PREX1: variants seen among roughly 807,000 people sequenced by gnomAD.
The protein encoded by PREX1 is phosphatidylinositol-3,4,5-trisphosphate dependent Rac exchange factor 1.
PREX1 carries 41 observed loss-of-function variants against 198.3 expected under a neutral mutation model. The observed-to-expected ratio is 0.21, with a 90% CI of 0.16 to 0.27. The LOEUF is 0.27. Among genes scored for constraint, PREX1 ranks in the 10% least tolerant of loss-of-function variants. The pLI is 1.00. For missense variants in PREX1, 1,620 were observed against 2,200.7 expected (o/e 0.74, Z 5.28); for synonymous variants, 843 against 887.2 (o/e 0.95, Z 0.89).
intron 1 of PREX1, among the ~76,000 whole-genome samples, chr20:48,818,142 C>T (rs1349418736): frequency 6.6e-6 from 1 of 152,096 alleles, no homozygotes; most frequent in Non-Finnish European, 1.5e-5. Flanking sequence ...GGTGCAAGGG[C>T]CCTGAGGCAG....
At chr20:48,735,782 A>G (rs1303910311) in intron 3 of PREX1, among the ~76,000 whole-genome samples, 1 of 152,176 alleles carries the variant, frequency 6.6e-6, no homozygotes, top group Non-Finnish European at 1.5e-5. Flanking sequence ...TCTCGCCGCT[A>G]GTGCAGTGGC....
In PREX1 at chr20:48,658,211, C is replaced by A; in HGVS notation, c.1899G>T (p.Glu633Asp). The A allele has an allele frequency of 1.9e-6, 3 of 1,614,190 alleles. No homozygotes were observed. Among genetic ancestry groups the A allele is most frequent in the Non-Finnish European group, 2.5e-6 (3 of 1,180,014 alleles). Residue 633 changes from glutamate (E) to aspartate (D), a missense_variant, in exon 17 of 40, where the codon GAG (glutamate) becomes GAT (aspartate). By Grantham distance (45) the Glu-to-Asp change is conservative. Coordinates refer to ENST00000371941, the MANE Select transcript of PREX1 (RefSeq NM_020820.4). ...AKRLLILPQE[E>D]DYGFDIEEKN... ...TCTCCTCGATGTCAAAGCCATAGTC[C>A]TCCTCCTGGGGCAGGATCTGGGGGC...
intron 7 of PREX1, among the ~76,000 whole-genome samples, chr20:48,693,906 C>T (rs1293499161): frequency 1.4e-5 from 2 of 146,000 alleles, no homozygotes; most frequent in Non-Finnish European, 3.0e-5. Context: ...CCGTGCCGGC[C>T]TTATTTTATT....
At chr20:48,735,950 G>C (rs1459679334) in intron 3 of PREX1, among the ~76,000 whole-genome samples, 1 of 152,088 alleles carries the variant, frequency 6.6e-6, no homozygotes, top group Non-Finnish European at 1.5e-5. Flanking sequence ...CCAGAATACT[G>C]AAGGGCACAG....
chr20:48,836,813 G>T, the PREX1 span, among the ~76,000 whole-genome samples: 1 of 149,580 alleles, frequency 6.7e-6, no homozygotes, highest in East Asian at 2.0e-4. Flanking sequence ...TACTCTGGAG[G>T]CTAAGGCAGG....
At position 48,643,759 on chromosome 20, in the gene PREX1, C is replaced by T. The variant is rs2089431183; in HGVS notation, c.3601+650G>A. Among the ~76,000 whole-genome samples, 3 of 152,210 alleles carry T rather than the reference C, an allele frequency of 2.0e-5. No homozygotes were observed. The South Asian group carries it at 6.2e-4, about 32-fold the overall frequency. ...CATGATCTGAGTCCACTGCAACCTCCCCCTCCCAAGTTCAAGTGATTCTCC... is the reference window on the plus strand; with the variant it reads ...CATGATCTGAGTCCACTGCAACCTCTCCCTCCCAAGTTCAAGTGATTCTCC... On this transcript the variant is annotated intron_variant, in intron 27 of 39. Transcript: ENST00000371941.
chr20:48,828,515 G>A (rs1038867848), upstream of PREX1, among the ~76,000 whole-genome samples: 2 of 152,214 alleles, frequency 1.3e-5, no homozygotes, highest in African/African-American at 4.8e-5. Context: ...CGGGAAGTCA[G>A]GGGCGACCGC....
In PREX1 at chr20:48,774,745, C is replaced by T. The variant is rs146015915; in HGVS notation, c.220-26865G>A. On this transcript the variant is annotated intron_variant, in intron 1 of 39. Coordinates refer to ENST00000371941, the MANE Select transcript of PREX1 (RefSeq NM_020820.4). The stretch of plus-strand genomic sequence containing the variant: ...AGGGCAGGGAGTGGCTGGACCCGCA[C>T]GGCTGAAACCACTGGCTGAGGCCAC... Among the ~76,000 whole-genome samples the T allele has an allele frequency of 2.4e-3, 364 of 152,332 alleles. 3 individuals are homozygous for T. In the East Asian group the frequency reaches 0.046, roughly 19 times the overall value.
intron 26 of PREX1, among the ~76,000 whole-genome samples, chr20:48,645,423 T>C (rs1366536256): frequency 6.6e-6 from 1 of 152,212 alleles, no homozygotes; most frequent in East Asian, 1.9e-4. Flanking sequence ...AATTAACCAG[T>C]AGAAAATTTA....
At chr20:48,762,114 G>A (rs766473248) in intron 1 of PREX1, among the ~76,000 whole-genome samples, 6 of 152,086 alleles carry the variant, frequency 3.9e-5, no homozygotes, top group African/African-American at 1.4e-4. Context: ...CCTCACCCAG[G>A]GCAGACATCA....
Position 48,639,754 on chromosome 20 carries a change from C to G in PREX1, c.3904+12G>C. The G allele has an allele frequency of 1.2e-6, 2 of 1,613,450 alleles. No individual in the cohort carries two copies. The highest frequency in any genetic ancestry group is 2.2e-5 in the South Asian group (2 of 91,024). ...CCCTCCCCACCATGATGCACCCTCC[C>G]TGCCCACCGACCTTCCACATATCTC... On this transcript the variant is annotated intron_variant, in intron 30 of 39. Transcript: ENST00000371941.
chr20:48,878,978 C>G, the PREX1 span, among the ~76,000 whole-genome samples: 1 of 152,210 alleles, frequency 6.6e-6, no homozygotes, highest in African/African-American at 2.4e-5. Flanking sequence ...AAAATCAGTG[C>G]CAGGGAAAGC....
At position 48,624,906 on chromosome 20, in the gene PREX1, GCGAGTTCTAACACCGGCCAACCGC is replaced by G. The variant is rs2089258393; in HGVS notation, c.*955_*978del. 1 of 152,322 alleles carries G rather than the reference GCGAGTTCTAACACCGGCCAACCGC, an allele frequency of 6.6e-6. No individual in the cohort carries two copies. Among genetic ancestry groups the G allele is most frequent in the African/African-American group, 2.4e-5 (1 of 41,460 alleles). 9.4% of individuals were successfully genotyped at this position (152,322 alleles called of 1,614,324 possible). On this transcript the variant is annotated 3_prime_UTR_variant, in exon 40 of 40. Coordinates refer to ENST00000371941, the MANE Select transcript of PREX1 (RefSeq NM_020820.4). ...CCTTGTAGCCAGTCACTCAAAGAGAGCGAGTTCTAACACCGGCCAACCGCTGGAGAATGGAGGGTGGGGGAAGGA... is the reference window on the plus strand; with the variant it reads ...CCTTGTAGCCAGTCACTCAAAGAGAGTGGAGAATGGAGGGTGGGGGAAGGA...
At chr20:48,784,612 G>C (rs938053895) in intron 1 of PREX1, among the ~76,000 whole-genome samples, 5 of 152,174 alleles carry the variant, frequency 3.3e-5, no homozygotes, top group South Asian at 4.1e-4. Flanking sequence ...GGACCGAAAG[G>C]CCTCCCCCTC....
the PREX1 span, among the ~76,000 whole-genome samples, chr20:48,865,950 CTT>C: frequency 0.014 from 1,941 of 140,136 alleles, 39 homozygotes; most frequent in African/African-American, 0.047. Context: ...AAGTGTTAAA[CTT>C]TTTTTTTTTT....
the PREX1 span, among the ~76,000 whole-genome samples, chr20:48,844,258 A>G: frequency 1.3e-5 from 2 of 152,132 alleles, no homozygotes; most frequent in South Asian, 2.1e-4. Flanking sequence ...TATTTGGGAT[A>G]CCCTGTACCC....
chr20:48,810,856 C>A (rs2090430778), intron 1 of PREX1, among the ~76,000 whole-genome samples: 1 of 152,002 alleles, frequency 6.6e-6, no homozygotes, highest in Non-Finnish European at 1.5e-5. Flanking sequence ...CACTGCACTC[C>A]AGCCTGGGCG....
rs765081103 is a variant in PREX1, at chr20:48,659,966, G to A, written c.1834C>T (p.Arg612Cys). ...EGTSSKNKQL[R>C]NDFKLVENIL... ...TTCTCCACCAGCTTGAAGTCGTTGC[G>A]AAGCTGTTTGTTCTTGCTGCTGGTC... The change falls in exon 16 of 40, where the codon CGC (arginine) becomes TGC (cysteine). Residue 612 changes from arginine (R) to cysteine (C), a missense_variant. This residue lies in a region of PREX1 where 488 missense variants were observed against 802.5 expected (regional missense o/e 0.61). Transcript: ENST00000371941. 1.2e-5 allele frequency: 19 copies of A among 1,614,118 alleles called. No individual in the cohort carries two copies. Among genetic ancestry groups the A allele is most frequent in the East Asian group, 4.5e-5 (2 of 44,900 alleles).
At chr20:48,784,688 C>G (rs1027079905) in intron 1 of PREX1, among the ~76,000 whole-genome samples, 6 of 152,168 alleles carry the variant, frequency 3.9e-5, no homozygotes, top group African/African-American at 1.4e-4. Flanking sequence ...TGGGAGCCCA[C>G]CAGAAGAGAA....
Sources: allele counts gnomAD v4.1 joint callset (sites outside exome capture counted in the v4.1 genomes callset), GRCh38; gene constraint gnomAD v4.1.1; regional missense constraint gnomAD v4.1.1; transcripts MANE v1.5; gene names NCBI Gene and HGNC (gene_info 2026-07-23, HGNC 2026-07-21).